PATJ: variants seen among roughly 807,000 people sequenced by gnomAD.
PATJ encodes PATJ crumbs cell polarity complex component, also known as inaD-like protein.
PATJ carries 190 observed loss-of-function variants against 224.9 expected under a neutral mutation model. That is an observed-to-expected ratio of 0.84 (90% CI 0.75 to 0.95). The LOEUF (loss-of-function observed/expected upper bound fraction) is 0.95, where lower values mean the gene tolerates loss of function less well. Ranked by LOEUF, PATJ falls within the 40% of genes least tolerant of loss-of-function variation. The pLI is 0.00. For synonymous variants in PATJ, 769 were observed against 820.3 expected (o/e 0.94, Z 1.07); for missense variants, 2,121 against 2,270.3 (o/e 0.93, Z 1.34).
chr1:61,993,594 G>A (rs1645188431), intron 28 of PATJ, among the ~76,000 whole-genome samples: 1 of 151,856 alleles, frequency 6.6e-6, no homozygotes, highest in African/African-American at 2.4e-5. Flanking sequence ...GTTACCCAAG[G>A]AATTCCAAGG....
rs540892550 is a variant in PATJ at position 62,037,943 on chromosome 1, G to A, written c.3960-34G>A. ...TTGAGCCAGGAACTTAGCATTTACT[G>A]TGTACTGATTCTGCCTATTTTAACA... is the stretch of plus-strand genomic sequence containing the variant. On this transcript the variant is annotated intron_variant, in intron 29 of 43. Coordinates refer to ENST00000642238, the MANE Select transcript of PATJ (RefSeq NM_001350145.3). The A allele has an allele frequency of 2.3e-5, 33 of 1,456,722 alleles. No homozygotes were observed. In the African/African-American group the frequency reaches 3.5e-4, roughly 15 times the overall value. 90.2% of individuals were successfully genotyped at this position (1,456,722 alleles called of 1,614,324 possible). A position where few individuals can be genotyped will look rare whatever the true frequency, so the allele number is the denominator to read the frequency against.
intron 32 of PATJ, among the ~76,000 whole-genome samples, chr1:62,081,153 A>G (rs748964632): frequency 6.6e-6 from 1 of 152,196 alleles, no homozygotes; most frequent in South Asian, 2.1e-4. Context: ...CCAACAATGC[A>G]TGCTGACTAT....
Position 62,018,707 on chromosome 1 carries a change from T to C in PATJ, c.3959+760T>C, listed in dbSNP as rs1272784430. 6.6e-6 allele frequency among the ~76,000 whole-genome samples: 1 copy of C among 152,202 alleles called. No individual in the cohort carries two copies. The highest frequency in any genetic ancestry group is 1.5e-5 in the Non-Finnish European group (1 of 68,036). On this transcript the variant is annotated intron_variant, in intron 29 of 43. Transcript: ENST00000642238. This position sits in a 1 kb window ranked among gnomAD's most constrained non-coding sequence, Gnocchi z 4.2. ...GATAATAAAGCATCTCCCTCATTCA[T>C]TGTGATATTTCAGAAATTGAAAATG...
intron 25 of PATJ, among the ~76,000 whole-genome samples, chr1:61,909,831 G>T (rs144777708): frequency 1.3e-5 from 2 of 152,296 alleles, no homozygotes; most frequent in African/African-American, 4.8e-5. Context: ...CTATCCCAGT[G>T]GTGGGGGCAT....
intron 31 of PATJ, among the ~76,000 whole-genome samples, chr1:62,069,844 A>C (rs559621149): frequency 6.6e-6 from 1 of 152,134 alleles, no homozygotes; most frequent in South Asian, 2.1e-4. Context: ...ATTGAATTCA[A>C]CTTTGCTCAC....
chr1:61,871,129 C>A (rs1439850425), intron 20 of PATJ, among the ~76,000 whole-genome samples: 1 of 73,224 alleles, frequency 1.4e-5, no homozygotes, highest in Non-Finnish European at 2.8e-5. Flanking sequence ...ATTCTATGTT[C>A]TTATTTTCTT....
chr1:61,990,305 A>G lies in PATJ; in HGVS notation c.3808A>G (p.Asn1270Asp). 6.2e-7 allele frequency: 1 copy of G among 1,614,034 alleles called. No individual in the cohort carries two copies. The highest frequency in any genetic ancestry group is 8.5e-7 in the Non-Finnish European group (1 of 1,179,958). ...SRMSIFVVGINPEGPAAADGR... is the reference protein window; with the variant it reads ...SRMSIFVVGIDPEGPAAADGR... ...CATGAGCATATTTGTGGTGGGAATT[A>G]ACCCGGAAGGACCTGCTGCCGCAGA... is the stretch of plus-strand genomic sequence containing the variant. The change falls in exon 28 of 44, where the codon AAC (asparagine) becomes GAC (aspartate). Residue 1270 changes from asparagine (N) to aspartate (D), a missense_variant. By Grantham distance (23) the Asn-to-Asp change is conservative. Coordinates refer to ENST00000642238, the MANE Select transcript of PATJ (RefSeq NM_001350145.3).
intron 16 of PATJ, among the ~76,000 whole-genome samples, chr1:61,830,182 AC>A (rs1659054516): frequency 6.6e-6 from 1 of 152,210 alleles, no homozygotes; most frequent in African/African-American, 2.4e-5. Context: ...ATACGGTATC[AC>A]TGTACAAAAA....
intron 34 of PATJ, among the ~76,000 whole-genome samples, chr1:62,111,658 A>G (rs1019159482): frequency 3.7e-5 from 5 of 134,932 alleles, no homozygotes; most frequent in Non-Finnish European, 8.0e-5. Flanking sequence ...TCCAAAACCC[A>G]TGTTCTTTTT....
rs1036831264 is a variant in PATJ at position 62,153,453 on chromosome 1, C to T, written c.5474C>T (p.Pro1825Leu). The change falls in exon 43 of 44, where the codon CCA (proline) becomes CTA (leucine). Residue 1825 changes from proline to leucine, a missense_variant. Pro to Leu is a moderately conservative substitution (Grantham distance 98). Transcript: ENST00000642238. Reference protein sequence around the residue: ...GGYGSPHGDLPIYVKTVFAKG... With the variant: ...GGYGSPHGDLLIYVKTVFAKG... ...TATGGAAGTCCCCATGGAGACCTGC[C>T]AATTTATGTCAAGACTGTATTTGCA... The T allele has an allele frequency of 4.9e-6, 6 of 1,231,280 alleles. No homozygotes were observed. The African/African-American group carries it at 9.3e-5, about 19-fold the overall frequency. 76.3% of individuals were successfully genotyped at this position (1,231,280 alleles called of 1,614,324 possible). A position where few individuals can be genotyped will look rare whatever the true frequency, so the allele number is the denominator to read the frequency against.
intron 14 of PATJ, among the ~76,000 whole-genome samples, chr1:61,813,370 TATATATATAC>T (rs1370238764): frequency 3.1e-4 from 14 of 44,562 alleles, no homozygotes; most frequent in African/African-American, 5.4e-4. Flanking sequence ...TATATATATA[TATATATATAC>T]ACACACACAC....
At chr1:62,151,483 C>T (rs571923318) in intron 42 of PATJ, among the ~76,000 whole-genome samples, 4 of 151,810 alleles carry the variant, frequency 2.6e-5, no homozygotes, top group East Asian at 1.9e-4. Context: ...CCCAGCTACT[C>T]GGGAGGCTGA....
intron 33 of PATJ, among the ~76,000 whole-genome samples, chr1:62,085,353 TA>T (rs144266069): frequency 0.017 from 2,438 of 145,622 alleles, 33 homozygotes; most frequent in Non-Finnish European, 0.022. Context: ...GACCTTGTCT[TA>T]AAAAAAAAAC....
In PATJ at chr1:61,965,641, G is replaced by A. The variant is rs370538066; in HGVS notation, c.3671-24527G>A. Among the ~76,000 whole-genome samples, 61 of 152,252 alleles carry A rather than the reference G, an allele frequency of 4.0e-4. 2 individuals carry two copies. The South Asian group carries it at 0.011, about 27-fold the overall frequency. ...ACAAGGGACAGAGTTAACCAGTGAC[G>A]GGAGAAATTGAGAAGTACAGAGAAG... is the stretch of plus-strand genomic sequence containing the variant. On this transcript the variant is annotated intron_variant, in intron 27 of 43. Transcript: ENST00000642238.
chr1:61,874,003 A>AGT, intron 20 of PATJ, among the ~76,000 whole-genome samples: 1 of 151,950 alleles, frequency 6.6e-6, no homozygotes, highest in Non-Finnish European at 1.5e-5. Flanking sequence ...CTCACTCTTC[A>AGT]GTGTGTCCGT....
chr1:62,034,969 C>T (rs1014161267), intron 29 of PATJ, among the ~76,000 whole-genome samples: 1 of 152,174 alleles, frequency 6.6e-6, no homozygotes, highest in Non-Finnish European at 1.5e-5. Context: ...TATTTAATTA[C>T]TGCCAAGTAT....
At chr1:61,916,655 A>T (rs1392093336) in intron 26 of PATJ, among the ~76,000 whole-genome samples, 1 of 152,220 alleles carries the variant, frequency 6.6e-6, no homozygotes, top group Non-Finnish European at 1.5e-5. Context: ...CACTGCCCAA[A>T]TGCAGTCGAT....
intron 20 of PATJ, among the ~76,000 whole-genome samples, chr1:61,873,545 A>G (rs1185538045): frequency 1.3e-5 from 2 of 152,254 alleles, no homozygotes; most frequent in Non-Finnish European, 2.9e-5. Flanking sequence ...TTGGCCTGCT[A>G]TAACAAGATA....
chr1:62,027,747 TCTTTTCATGTGCTTATTGG>T, intron 29 of PATJ, among the ~76,000 whole-genome samples: 1 of 151,292 alleles, frequency 6.6e-6, no homozygotes, highest in African/African-American at 2.4e-5. Flanking sequence ...ATATTGAGCA[TCTTTTCATGTGCTTATTGG>T]CTTTTTGTGT....
Sources: allele counts gnomAD v4.1 joint callset (sites outside exome capture counted in the v4.1 genomes callset), GRCh38; gene constraint gnomAD v4.1.1; non-coding constraint Gnocchi (gnomAD v3.1); transcripts MANE v1.5; gene names NCBI Gene and HGNC (gene_info 2026-07-23, HGNC 2026-07-21).